Variants in TLK2 observed in about 807,000 individuals in gnomAD.
The protein encoded by TLK2 is serine/threonine-protein kinase tousled-like 2.
In TLK2, 6 loss-of-function variants were observed where a neutral mutation model predicts 117.3. That is an observed-to-expected ratio of 0.05 (90% CI 0.03 to 0.10). TLK2 has a LOEUF of 0.10. TLK2 is among the 10% of genes least tolerant of loss of function. TLK2 has a pLI of 1.00. For synonymous variants in TLK2, 257 were observed against 316.7 expected (o/e 0.81, Z 2.00); for missense variants, 299 against 901.2 (o/e 0.33, Z 8.56).
chr17:62,541,586 C>G (rs374449126), intron 7 of TLK2, among the ~76,000 whole-genome samples: 135 of 145,100 alleles, frequency 9.3e-4, no homozygotes, highest in Admixed American at 9.6e-4. Context: ...TTACATAATT[C>G]TATGTTTTAA....
Position 62,608,158 on chromosome 17 carries a change from G to C in TLK2, c.2079+10G>C. On this transcript the variant is annotated intron_variant, in intron 21 of 21. Transcript: ENST00000346027. ...AACACCTGAAGCAAAGGTAAGTTTT[G>C]TTTGACCCATTGGCCAACAGAAACG... 6.2e-7 allele frequency: 1 copy of C among 1,608,218 alleles called. No homozygotes were observed. Among genetic ancestry groups the C allele is most frequent in the Non-Finnish European group, 8.5e-7 (1 of 1,177,808 alleles).
At chr17:62,515,833 G>A (rs2075536205) in intron 2 of TLK2, among the ~76,000 whole-genome samples, 1 of 152,080 alleles carries the variant, frequency 6.6e-6, no homozygotes, top group South Asian at 2.1e-4. Flanking sequence ...AAATTTTGAT[G>A]TCTATTTTAT....
rs772467875 is a variant in TLK2, at chr17:62,586,102, A to G, written c.1369-33A>G. On this transcript the variant is annotated intron_variant, in intron 15 of 21. Transcript: ENST00000346027. ...TCAGTTACCTGTAATTTTTCTTAAC[A>G]TTTACCCAGTATATAATTTATTCTC... is the stretch of plus-strand genomic sequence containing the variant. 5.2e-6 allele frequency: 8 copies of G among 1,542,824 alleles called. No homozygotes were observed. In the African/African-American group the frequency reaches 8.3e-5, roughly 16 times the overall value.
In TLK2 at chr17:62,523,174, T is replaced by C. The variant is rs750200571; in HGVS notation, c.264T>C (p.Phe88=). 6.3e-7 allele frequency: 1 copy of C among 1,599,052 alleles called. No individual in the cohort carries two copies. The highest frequency in any genetic ancestry group is 1.1e-5 in the South Asian group (1 of 87,424). ...TPRGHKISDY[F]EFAGGSAPGT... is the part of the protein sequence containing the mutation. ...GGGGACATAAAATTAGTGATTACTT[T>C]GAGGTAAGTTACATTTTTTGAAAAA... The change falls in exon 5 of 22, where the codon TTT becomes TTC. Residue 88 remains phenylalanine, a synonymous_variant. Coordinates refer to ENST00000346027, the MANE Select transcript of TLK2 (RefSeq NM_006852.6).
intron 19 of TLK2, among the ~76,000 whole-genome samples, chr17:62,605,392 C>G (rs1011081702): frequency 3.3e-5 from 5 of 152,040 alleles, no homozygotes; most frequent in Non-Finnish European, 7.4e-5. Context: ...TCTTTTCTTA[C>G]TTTGAGATGG....
At position 62,568,522 on chromosome 17, in the gene TLK2, G is replaced by A. The variant is rs117813064; in HGVS notation, c.968+3385G>A. On this transcript the variant is annotated intron_variant, in intron 11 of 21. Transcript: ENST00000346027. The stretch of plus-strand genomic sequence containing the variant: ...CATATAACTAGAGGAAGAAATTAAA[G>A]TTTACAGCATTGTAATGCTAGTCCA... Among the ~76,000 whole-genome samples, 401 of 151,762 alleles carry A rather than the reference G, an allele frequency of 2.6e-3. 16 individuals carry two copies. The East Asian group carries it at 0.068, about 26-fold the overall frequency.
chr17:62,488,222 C>T (rs906116803), intron 2 of TLK2, among the ~76,000 whole-genome samples: 1 of 152,238 alleles, frequency 6.6e-6, no homozygotes, highest in Non-Finnish European at 1.5e-5. Flanking sequence ...GCGTCAGCCA[C>T]CGTGCCCGGG....
chr17:62,529,384 G>A (rs2076589641), intron 6 of TLK2, among the ~76,000 whole-genome samples: 1 of 152,126 alleles, frequency 6.6e-6, no homozygotes, highest in Admixed American at 6.6e-5. Context: ...TTACAGGCAT[G>A]CATCACCATG....
intron 17 of TLK2, among the ~76,000 whole-genome samples, chr17:62,596,888 C>T (rs1025188240): frequency 6.6e-6 from 1 of 152,192 alleles, no homozygotes; most frequent in Admixed American, 6.5e-5. Flanking sequence ...TGTTTAACAG[C>T]CAGCTTGGTA....
chr17:62,580,268 AC>A, intron 15 of TLK2, 76 bp downstream of exon 15: 2 of 1,091,402 alleles, frequency 1.8e-6, no homozygotes, highest in Non-Finnish European at 2.7e-6. Context: ...CATTAAGAAT[AC>A]TGATAATTGT....
At chr17:62,508,316 A>G (rs1228386496) in intron 2 of TLK2, 33 of 562,814 alleles carry the variant, frequency 5.9e-5, no homozygotes, top group Non-Finnish European at 7.2e-5. Context: ...AGAAAATAAG[A>G]TAAAATACCA....
intron 2 of TLK2, among the ~76,000 whole-genome samples, chr17:62,512,897 A>T (rs1194978577): frequency 0.012 from 792 of 64,312 alleles, 6 homozygotes; most frequent in African/African-American, 0.029. Flanking sequence ...TTATTATTAG[A>T]GACGAAGTTT....
rs371497568 is a variant in TLK2 at position 62,544,136 on chromosome 17, TTACA to T, written c.531+7800_531+7803del. On this transcript the variant is annotated intron_variant, in intron 7 of 21. Coordinates refer to ENST00000346027, the MANE Select transcript of TLK2 (RefSeq NM_006852.6). ...GCACCGTTTTCAAAAATGAACTGACTTACAGCAAGAGGTTTATTTATGGACTCTA... is the reference window on the plus strand; with the variant it reads ...GCACCGTTTTCAAAAATGAACTGACTGCAAGAGGTTTATTTATGGACTCTA... Among the ~76,000 whole-genome samples the T allele has an allele frequency of 6.7e-4, 102 of 152,344 alleles. 1 individual carries two copies. The East Asian group carries it at 0.016, about 24-fold the overall frequency.
chr17:62,546,047 A>G (rs971416459), intron 7 of TLK2, among the ~76,000 whole-genome samples: 20 of 152,002 alleles, frequency 1.3e-4, no homozygotes, highest in Non-Finnish European at 1.9e-4. Flanking sequence ...GTGCCTGGCT[A>G]ATTTTTGTAT....
chr17:62,612,357 A>G (rs146682455), intron 21 of TLK2, 35 bp from the exon 22 acceptor site: 104 of 1,600,880 alleles, frequency 6.5e-5, no homozygotes, highest in Non-Finnish European at 7.9e-5. Context: ...TGCCAAGACT[A>G]TCTGCCTCTG....
chr17:62,590,800 C>T (rs1345278835), intron 16 of TLK2, among the ~76,000 whole-genome samples: 1 of 152,184 alleles, frequency 6.6e-6, no homozygotes, highest in African/African-American at 2.4e-5. Context: ...AATCTCTTTA[C>T]TGTTTCTTGA....
chr17:62,573,074 A>C, intron 11 of TLK2, 141 bp from the exon 12 acceptor site: 1 of 880,352 alleles, frequency 1.1e-6, no homozygotes, highest in Non-Finnish European at 1.7e-6. Flanking sequence ...TCCAATCTGA[A>C]GTTAAAATCA....
chr17:62,574,222 T>C, intron 12 of TLK2: 3 of 1,420,916 alleles, frequency 2.1e-6, no homozygotes, highest in Non-Finnish European at 2.8e-6. Context: ...GTGCATCTTC[T>C]TTCATTCTAG....
chr17:62,548,280 TTTA>T (rs2078114027), intron 7 of TLK2, among the ~76,000 whole-genome samples: 1 of 56,386 alleles, frequency 1.8e-5, no homozygotes, highest in Admixed American at 2.3e-4. Context: ...GTGTGTCTTT[TTTA>T]TTTTTATTTT....
Sources: gnomAD v4.1 joint callset for allele counts (sites outside exome capture counted in the v4.1 genomes callset) on GRCh38, gnomAD v4.1.1 for gene constraint, MANE v1.5 for transcripts, NCBI Gene and HGNC (gene_info 2026-07-23, HGNC 2026-07-21) for gene names.